NEO1: variants seen among roughly 807,000 people sequenced by gnomAD.
The protein encoded by NEO1 is neogenin 1.
Under a neutral mutation model 159.7 loss-of-function variants are expected in NEO1, and 63 were observed. The ratio of observed to expected loss-of-function variants is 0.39; its 90% confidence interval spans 0.32 to 0.49. The LOEUF is 0.49. Among genes scored for constraint, NEO1 ranks in the 20% least tolerant of loss-of-function variants. The pLI is 0.85. For missense variants in NEO1, 1,615 were observed against 1,831.0 expected, an observed-to-expected ratio of 0.88 and a Z score of 2.15; for synonymous variants, 633 against 662.0, an observed-to-expected ratio of 0.96 and a Z score of 0.67.
At chr15:73,272,809 T>A (rs1361771563) in intron 19 of NEO1, among the ~76,000 whole-genome samples, 1 of 152,036 alleles carries the variant, frequency 6.6e-6, no homozygotes. Flanking sequence ...CTAGACAGCC[T>A]TTGGCTATAG....
At position 73,156,731 on chromosome 15, in the gene NEO1, ATGG is replaced by A. The variant is rs1331148898; in HGVS notation, c.1016-19668_1016-19666del. Among the ~76,000 whole-genome samples, 3 of 152,156 alleles carry A rather than the reference ATGG, an allele frequency of 2.0e-5. No homozygotes were observed. In the East Asian group the frequency reaches 5.8e-4, roughly 29 times the overall value. On this transcript the variant is annotated intron_variant, in intron 5 of 28. Coordinates refer to ENST00000261908, the MANE Select transcript of NEO1 (RefSeq NM_002499.4). ...ACAAGTGCTTGCACAGGTGTCCCAG[ATGG>A]TGGATTGAGTTGCAGAATTCTCAGG... is the stretch of plus-strand genomic sequence containing the variant.
chr15:73,181,342 C>A (rs1347798409), intron 7 of NEO1, among the ~76,000 whole-genome samples: 1 of 152,042 alleles, frequency 6.6e-6, no homozygotes, highest in African/African-American at 2.4e-5. Flanking sequence ...TGTTATGAGG[C>A]CATTGTGAGA....
intron 5 of NEO1, among the ~76,000 whole-genome samples, chr15:73,148,386 G>T (rs2033100170): frequency 6.6e-6 from 1 of 152,146 alleles, no homozygotes; most frequent in Admixed American, 6.5e-5. Context: ...AGCAGGAAAA[G>T]TGGAGCAGTT....
At chr15:73,281,306 A>C (rs965669488) in intron 22 of NEO1, among the ~76,000 whole-genome samples, 2 of 149,092 alleles carry the variant, frequency 1.3e-5, no homozygotes, top group Non-Finnish European at 3.0e-5. Context: ...CCCAGGCTGG[A>C]GTGCATGGCG....
At chr15:73,156,785 T>A (rs368987064) in intron 5 of NEO1, among the ~76,000 whole-genome samples, 1 of 152,140 alleles carries the variant, frequency 6.6e-6, no homozygotes, top group Non-Finnish European at 1.5e-5. Context: ...AACCTCCACT[T>A]CCCTCTGCGG....
chr15:73,082,343 TTC>T (rs1351011006), intron 1 of NEO1, among the ~76,000 whole-genome samples: 1 of 152,216 alleles, frequency 6.6e-6, no homozygotes, highest in East Asian at 1.9e-4. Flanking sequence ...ACTGATGTGT[TTC>T]TGTCTACCGC....
intron 5 of NEO1, among the ~76,000 whole-genome samples, chr15:73,171,395 T>C (rs1372493695): frequency 6.6e-6 from 1 of 151,910 alleles, no homozygotes; most frequent in Non-Finnish European, 1.5e-5. Flanking sequence ...AGACCTCCTC[T>C]GTATTAAAAA....
intron 7 of NEO1, among the ~76,000 whole-genome samples, chr15:73,202,904 C>T (rs1250877268): frequency 6.6e-6 from 1 of 152,210 alleles, no homozygotes; most frequent in Non-Finnish European, 1.5e-5. Context: ...GCTTATTTCA[C>T]TTACCATAAT....
intron 7 of NEO1, among the ~76,000 whole-genome samples, chr15:73,227,325 G>A (rs956753669): frequency 2.6e-5 from 4 of 152,040 alleles, no homozygotes; most frequent in Admixed American, 6.5e-5. Context: ...GTGAAACCCC[G>A]TCTCTGCTAA....
intron 23 of NEO1, among the ~76,000 whole-genome samples, chr15:73,285,172 T>A (rs2041893561): frequency 6.6e-6 from 1 of 152,134 alleles, no homozygotes; most frequent in Non-Finnish European, 1.5e-5. Context: ...CAGGCTGAAG[T>A]GCAGTGGAAC....
In NEO1 at chr15:73,164,365, C is replaced by T. The variant is rs866971123; in HGVS notation, c.1016-12038C>T. Among the ~76,000 whole-genome samples the T allele has an allele frequency of 5.9e-5, 9 of 152,164 alleles. No individual in the cohort carries two copies. The Middle Eastern group carries it at 0.014, about 232-fold the overall frequency. On this transcript the variant is annotated intron_variant, in intron 5 of 28. Transcript: ENST00000261908. ...AGTAGCTGGGATTACAGGCACATGC[C>T]ACCACACTCAGGTAATTTTTTGTGT...
At chr15:73,292,479 G>T (rs375925835) in intron 25 of NEO1, among the ~76,000 whole-genome samples, 20 of 152,320 alleles carry the variant, frequency 1.3e-4, no homozygotes, top group Non-Finnish European at 2.4e-4. Context: ...CTCCAAGGGA[G>T]TTCCTCAGAA....
chr15:73,178,499 A>T, intron 7 of NEO1, 72 bp downstream of exon 7: 5 of 1,558,048 alleles, frequency 3.2e-6, no homozygotes, highest in Non-Finnish European at 4.4e-6. Flanking sequence ...CGTCCAAATA[A>T]CTCATGATTG....
At chr15:73,167,227 A>G (rs2034638921) in intron 5 of NEO1, among the ~76,000 whole-genome samples, 2 of 151,818 alleles carry the variant, frequency 1.3e-5, no homozygotes, top group African/African-American at 4.8e-5. Context: ...ATACATATGT[A>G]ACAAACCTGC....
chr15:73,155,044 G>A (rs1390069803), intron 5 of NEO1, among the ~76,000 whole-genome samples: 1 of 150,036 alleles, frequency 6.7e-6, no homozygotes, highest in African/African-American at 2.5e-5. Flanking sequence ...GTGTTGTCAT[G>A]GTGGTGAATG....
chr15:73,292,994 G>A (rs1478609401), intron 25 of NEO1, among the ~76,000 whole-genome samples: 2 of 152,134 alleles, frequency 1.3e-5, no homozygotes, highest in East Asian at 1.9e-4. Flanking sequence ...TTGGCTTATG[G>A]ATTTATATTT....
At chr15:73,135,268 A>G (rs1008866381) in intron 4 of NEO1, among the ~76,000 whole-genome samples, 14 of 152,266 alleles carry the variant, frequency 9.2e-5, no homozygotes, top group Middle Eastern at 6.8e-3. Flanking sequence ...ATTCATCAAC[A>G]TCCTGGTTGA....
chr15:73,110,363 G>A (rs1466685571), intron 1 of NEO1, among the ~76,000 whole-genome samples: 3 of 152,154 alleles, frequency 2.0e-5, no homozygotes, highest in Non-Finnish European at 4.4e-5. Context: ...CTTCTGCCCT[G>A]AGTTTCTGCT....
At chr15:73,210,204 T>C (rs897387164) in intron 7 of NEO1, among the ~76,000 whole-genome samples, 1 of 152,212 alleles carries the variant, frequency 6.6e-6, no homozygotes, top group African/African-American at 2.4e-5. Context: ...TGAACTGAGC[T>C]TTTACAAGAA....
Sources: gnomAD v4.1 joint callset for allele counts (sites outside exome capture counted in the v4.1 genomes callset) on GRCh38, gnomAD v4.1.1 for gene constraint, MANE v1.5 for transcripts, NCBI Gene and HGNC (gene_info 2026-07-23, HGNC 2026-07-21) for gene names.